ANKRD36: variants seen among roughly 807,000 people sequenced by gnomAD.
The protein encoded by ANKRD36 is ankyrin repeat domain 36, also known as ankyrin repeat domain-containing protein 36A.
Under a neutral mutation model 278.1 loss-of-function variants are expected in ANKRD36, and 179 were observed. That is an observed-to-expected ratio of 0.64 (90% CI 0.57 to 0.73). The LOEUF (loss-of-function observed/expected upper bound fraction) is 0.73. Among genes scored for constraint, ANKRD36 ranks in the 30% least tolerant of loss-of-function variants. The pLI is 0.00. For missense variants in ANKRD36, 1,159 were observed against 1,956.7 expected, an observed-to-expected ratio of 0.59 and a Z score of 7.69; for synonymous variants, 320 against 641.1, an observed-to-expected ratio of 0.50 and a Z score of 7.57.
intron 10 of ANKRD36, among the ~76,000 whole-genome samples, chr2:97,145,612 G>A (rs1214894751): frequency 1.3e-5 from 2 of 152,008 alleles, no homozygotes; most frequent in Admixed American, 1.3e-4. Flanking sequence ...TAATATTGGA[G>A]TGATTTCCAA....
chr2:97,118,900 A>G (rs1450391443), intron 3 of ANKRD36: 2 of 76,950 alleles, frequency 2.6e-5, no homozygotes, highest in African/African-American at 6.3e-5. Context: ...TTAAATGTCA[A>G]AGAAAATTAA....
At chr2:97,180,002 A>T in intron 24 of ANKRD36, 69 bp downstream of exon 24, 1 of 1,592,454 alleles carries the variant, frequency 6.3e-7, no homozygotes, top group Non-Finnish European at 8.5e-7. Flanking sequence ...TACCCAAATA[A>T]ATCAGTGGGG....
intron 50 of ANKRD36, among the ~76,000 whole-genome samples, chr2:97,205,003 C>T (rs1558763314): frequency 6.6e-6 from 1 of 151,350 alleles, no homozygotes; most frequent in Non-Finnish European, 1.5e-5. Flanking sequence ...AATACATTGG[C>T]TTCTTTGTTC....
intron 15 of ANKRD36, among the ~76,000 whole-genome samples, chr2:97,157,153 T>C (rs1211174698): frequency 8.6e-6 from 1 of 116,308 alleles, no homozygotes; most frequent in Non-Finnish European, 2.1e-5. Context: ...CTCTCTCTGT[T>C]TGTAGTAAGA....
intron 40 of ANKRD36, among the ~76,000 whole-genome samples, chr2:97,195,168 G>A (rs2059426607): frequency 6.6e-6 from 1 of 151,982 alleles, no homozygotes; most frequent in South Asian, 2.1e-4. Context: ...GACATAAGGG[G>A]CTCTGGGGCC....
chr2:97,165,062 A>T (rs1385680917), intron 20 of ANKRD36, among the ~76,000 whole-genome samples: 2 of 152,170 alleles, frequency 1.3e-5, no homozygotes, highest in Non-Finnish European at 2.9e-5. Flanking sequence ...ATTTTCTTCT[A>T]CTACTATTTA....
chr2:97,192,046 G>C (rs190338934), intron 36 of ANKRD36, among the ~76,000 whole-genome samples: 22 of 151,832 alleles, frequency 1.4e-4, no homozygotes, highest in Non-Finnish European at 3.1e-4. Context: ...TTCTAATTAA[G>C]TCCTAGAGTG....
intron 3 of ANKRD36, among the ~76,000 whole-genome samples, chr2:97,121,799 A>T (rs2036947360): frequency 6.6e-6 from 1 of 152,038 alleles, no homozygotes; most frequent in Non-Finnish European, 1.5e-5. Flanking sequence ...GTAAGAATTA[A>T]TTGGAAACTA....
intron 66 of ANKRD36, 138 bp from the exon 67 acceptor site, chr2:97,224,668 T>G (rs2068836377): frequency 9.7e-7 from 1 of 1,026,584 alleles, no homozygotes; most frequent in Non-Finnish European, 1.4e-6. Context: ...GCCAGGATGG[T>G]CTCGATCTCC....
chr2:97,132,321 C>T (rs2040389409), intron 6 of ANKRD36, among the ~76,000 whole-genome samples: 1 of 151,700 alleles, frequency 6.6e-6, no homozygotes, highest in African/African-American at 2.4e-5. Flanking sequence ...ATAAAAGAAA[C>T]CTTGGTGAGT....
chr2:97,226,983 A>G (rs945198925), intron 67 of ANKRD36, among the ~76,000 whole-genome samples: 2 of 152,056 alleles, frequency 1.3e-5, no homozygotes, highest in African/African-American at 4.8e-5. Flanking sequence ...CCATTGGTCT[A>G]TATCTCTGTT....
chr2:97,256,469 T>A (rs1260040299), intron 75 of ANKRD36, among the ~76,000 whole-genome samples: 11 of 150,358 alleles, frequency 7.3e-5, no homozygotes, highest in Non-Finnish European at 1.5e-4. Flanking sequence ...ATGTTTTTAT[T>A]TCTTCCATGT....
chr2:97,170,932 CA>C (rs2052294494), intron 22 of ANKRD36, among the ~76,000 whole-genome samples: 1 of 148,556 alleles, frequency 6.7e-6, no homozygotes, highest in Non-Finnish European at 1.5e-5. Context: ...TTTATGCAGC[CA>C]AAAAACACAT....
chr2:97,166,790 A>G (rs1327646988), intron 20 of ANKRD36, among the ~76,000 whole-genome samples: 1 of 152,302 alleles, frequency 6.6e-6, no homozygotes, highest in African/African-American at 2.4e-5. Flanking sequence ...CAGGTGCTTC[A>G]TGTTAGCAAA....
At chr2:97,202,681 C>A (rs1238884250) in intron 48 of ANKRD36, among the ~76,000 whole-genome samples, 1 of 151,782 alleles carries the variant, frequency 6.6e-6, no homozygotes, top group Admixed American at 6.6e-5. Context: ...CTTTAATCCT[C>A]CAGCTTGTTT....
intron 67 of ANKRD36, among the ~76,000 whole-genome samples, chr2:97,228,811 T>C (rs1267416509): frequency 6.6e-6 from 1 of 151,810 alleles, no homozygotes; most frequent in African/African-American, 2.4e-5. Flanking sequence ...GCTTTGAATG[T>C]GTCCCAGAGA....
chr2:97,196,201 C>A (rs1444349335), intron 40 of ANKRD36, among the ~76,000 whole-genome samples: 1 of 151,950 alleles, frequency 6.6e-6, no homozygotes, highest in African/African-American at 2.4e-5. Flanking sequence ...AGGTGTAAAT[C>A]CTTTTGATTT....
intron 5 of ANKRD36, among the ~76,000 whole-genome samples, chr2:97,124,987 C>T (rs2443926): frequency 6.6e-5 from 10 of 151,910 alleles, no homozygotes; most frequent in Non-Finnish European, 1.2e-4. Flanking sequence ...AAACCTTGAG[C>T]TGTGTACTGG....
rs1559529222 is a variant in ANKRD36 at position 97,183,615 on chromosome 2, A to C, written c.1900A>C (p.Ile634Leu). The C allele has an allele frequency of 6.4e-7, 1 of 1,570,024 alleles. No individual in the cohort carries two copies. Among genetic ancestry groups the C allele is most frequent in the Non-Finnish European group, 8.6e-7 (1 of 1,157,722 alleles). Reference sequence around the variant, plus strand: ...TAAAAAGAAAGTTTCTCTTTTGAATATTGCCACAAGAATAATGGGTGGTGG... The same window carrying C: ...TAAAAAGAAAGTTTCTCTTTTGAATCTTGCCACAAGAATAATGGGTGGTGG... Reference protein sequence around the residue: ...IFKKKVSLLNIATRIMGGGKS... With the variant: ...IFKKKVSLLNLATRIMGGGKS... The change falls in exon 28 of 76, where the codon ATT becomes CTT. Residue 634 changes from isoleucine to leucine, a missense_variant. Transcript: ENST00000420699.
Sources: allele counts gnomAD v4.1 joint callset (sites outside exome capture counted in the v4.1 genomes callset), GRCh38; gene constraint gnomAD v4.1.1; transcripts MANE v1.5; gene names NCBI Gene and HGNC (gene_info 2026-07-23, HGNC 2026-07-21).